The following CYS1 variants were observed in gnomAD, a reference collection of about 807,000 sequenced individuals.
The protein encoded by CYS1 is cystin 1.
A neutral mutation model predicts 9.6 loss-of-function variants in CYS1; 5 were observed. That is an observed-to-expected ratio of 0.52 (90% CI 0.27 to 1.10). The LOEUF (loss-of-function observed/expected upper bound fraction) is 1.10, where lower values mean the gene tolerates loss of function less well. Ranked by LOEUF, CYS1 falls within the 50% of genes least tolerant of loss-of-function variation. CYS1 has a pLI of 0.11. For synonymous variants in CYS1, 88 were observed against 95.7 expected, an observed-to-expected ratio of 0.92 and a Z score of 0.47; for missense variants, 221 against 207.9, an observed-to-expected ratio of 1.06 and a Z score of -0.39.
At position 10,058,500 on chromosome 2, in the gene CYS1, T is replaced by C. The variant is rs1201152555; in HGVS notation, c.*353A>G. The C allele has an allele frequency of 4.7e-6, 1 of 214,700 alleles. No individual in the cohort carries two copies. The highest frequency in any genetic ancestry group is 9.3e-6 in the Non-Finnish European group (1 of 107,582). 13.3% of individuals were successfully genotyped at this position (214,700 alleles called of 1,614,324 possible). The stretch of plus-strand genomic sequence containing the variant: ...GGATGCCAGGAGGGGCTCGCTTGTG[T>C]CACCTAGTCCTCGTGAGCCCTCCCC... On this transcript the variant is annotated 3_prime_UTR_variant, in exon 3 of 3. Coordinates refer to ENST00000381813, the MANE Select transcript of CYS1 (RefSeq NM_001037160.3).
chr2:10,062,495 G>A (rs991565991), intron 2 of CYS1, among the ~76,000 whole-genome samples: 2 of 152,020 alleles, frequency 1.3e-5, no homozygotes, highest in Non-Finnish European at 2.9e-5. Flanking sequence ...CCCCATCATG[G>A]GTGCAAGGGA....
chr2:10,064,599 C>A (rs569577707), intron 2 of CYS1, among the ~76,000 whole-genome samples: 2 of 152,314 alleles, frequency 1.3e-5, no homozygotes, highest in East Asian at 3.9e-4. Flanking sequence ...TCCTCCCTCC[C>A]CAATTCCCTC....
intron 1 of CYS1, among the ~76,000 whole-genome samples, chr2:10,072,179 T>C (rs2125290802): frequency 6.6e-6 from 1 of 151,898 alleles, no homozygotes; most frequent in East Asian, 1.9e-4. Flanking sequence ...TGCTCCTGGG[T>C]TCAAGTGATT....
chr2:10,069,941 G>A (rs1434718209), intron 1 of CYS1, among the ~76,000 whole-genome samples: 1 of 152,232 alleles, frequency 6.6e-6, no homozygotes, highest in Admixed American at 6.5e-5. Flanking sequence ...GTTCAACACA[G>A]AGGACTAAGT....
At chr2:10,066,013 A>G (rs1661690405) in intron 1 of CYS1, 57 bp from the exon 2 acceptor site, 1 of 1,594,916 alleles carries the variant, frequency 6.3e-7, no homozygotes, top group South Asian at 1.1e-5. Context: ...CAGCCTGCCT[A>G]AGGCTTTGGC....
chr2:10,067,726 T>G (rs966815308), intron 1 of CYS1, among the ~76,000 whole-genome samples: 1 of 152,218 alleles, frequency 6.6e-6, no homozygotes, highest in African/African-American at 2.4e-5. Context: ...TGAATTTATC[T>G]TGTGCTTAGC....
chr2:10,060,916 C>T (rs372237785), intron 2 of CYS1, among the ~76,000 whole-genome samples: 55 of 152,302 alleles, frequency 3.6e-4, no homozygotes, highest in African/African-American at 1.3e-3. Flanking sequence ...GAAGTCGCTG[C>T]GATGCTGTTA....
chr2:10,075,498 C>T (rs1011872619), intron 1 of CYS1, among the ~76,000 whole-genome samples: 3 of 152,190 alleles, frequency 2.0e-5, no homozygotes, highest in South Asian at 2.1e-4. Flanking sequence ...AGATAGTCAC[C>T]GTCTTCAGGA....
At position 10,057,986 on chromosome 2, in the gene CYS1, C is replaced by A. The variant is rs6717452; in HGVS notation, c.*867G>T. 89,091 of 152,266 alleles carry A rather than the reference C, an allele frequency of 0.59. 26,742 individuals are homozygous for A. The highest frequency in any genetic ancestry group is 0.84 in the East Asian group (4,364 of 5,172). The allele number at this position is 152,266 out of a possible 1,614,324, so 9.4% of individuals were successfully genotyped here. A position where few individuals can be genotyped will look rare whatever the true frequency, so the allele number is the denominator to read the frequency against. ...AAAAGCCCCGCAGGCACTGGCCAGG[C>A]TGCCTGTGAGAGGGAGAACTGGAAA... On this transcript the variant is annotated 3_prime_UTR_variant, in exon 3 of 3. Transcript: ENST00000381813.
intron 1 of CYS1, among the ~76,000 whole-genome samples, chr2:10,070,972 T>C (rs1463106902): frequency 6.6e-6 from 1 of 151,078 alleles, no homozygotes; most frequent in Admixed American, 6.6e-5. Flanking sequence ...TGTTTGTTTG[T>C]TTGTTTTGTT....
Position 10,058,497 on chromosome 2 carries a change from G to A in CYS1, c.*356C>T. 4.7e-6 allele frequency: 1 copy of A among 212,712 alleles called. No homozygotes were observed. 13.2% of individuals were successfully genotyped at this position (212,712 alleles called of 1,614,324 possible). On this transcript the variant is annotated 3_prime_UTR_variant, in exon 3 of 3. Coordinates refer to ENST00000381813, the MANE Select transcript of CYS1 (RefSeq NM_001037160.3). ...CGCGGATGCCAGGAGGGGCTCGCTT[G>A]TGTCACCTAGTCCTCGTGAGCCCTC...
chr2:10,066,016 G>A (rs1661690431), intron 1 of CYS1, 60 bp from the exon 2 acceptor site: 1 of 1,595,692 alleles, frequency 6.3e-7, no homozygotes, highest in African/African-American at 1.3e-5. Flanking sequence ...CCTGCCTAAG[G>A]CTTTGGCTTT....
intron 1 of CYS1, among the ~76,000 whole-genome samples, chr2:10,072,480 C>G (rs919107702): frequency 1.3e-5 from 2 of 152,220 alleles, no homozygotes; most frequent in Non-Finnish European, 2.9e-5. Context: ...TCCATTAACT[C>G]TTAATTTTTA....
Position 10,056,982 on chromosome 2 carries a change from A to C in CYS1, c.*1871T>G, listed in dbSNP as rs1415957876. The C allele has an allele frequency of 6.6e-6, 1 of 152,202 alleles. No individual in the cohort carries two copies. Among genetic ancestry groups the C allele is most frequent in the Non-Finnish European group, 1.5e-5 (1 of 68,026 alleles). The allele number at this position is 152,202 out of a possible 1,614,324, so 9.4% of individuals were successfully genotyped here. ...AGTGCATTTACTTTGACATTGATATAGCTTGTAACTACTTTTGGAATTTTT... is the reference window on the plus strand; with the variant it reads ...AGTGCATTTACTTTGACATTGATATCGCTTGTAACTACTTTTGGAATTTTT... On this transcript the variant is annotated 3_prime_UTR_variant, in exon 3 of 3. Coordinates refer to ENST00000381813, the MANE Select transcript of CYS1 (RefSeq NM_001037160.3).
Position 10,057,625 on chromosome 2 carries a change from C to G in CYS1, c.*1228G>C, listed in dbSNP as rs1023210113. On this transcript the variant is annotated 3_prime_UTR_variant, in exon 3 of 3. Coordinates refer to ENST00000381813, the MANE Select transcript of CYS1 (RefSeq NM_001037160.3). The stretch of plus-strand genomic sequence containing the variant: ...AAGCCGCGCTGTTTCCTCCTTCCCC[C>G]TCTATCTCCTTCTTTCCCTTCTGTC... The G allele has an allele frequency of 2.0e-5, 3 of 152,524 alleles. No homozygotes were observed. Among genetic ancestry groups the G allele is most frequent in the Non-Finnish European group, 4.4e-5 (3 of 68,286 alleles). The allele number at this position is 152,524 out of a possible 1,614,324, so 9.4% of individuals were successfully genotyped here. A position where few individuals can be genotyped will look rare whatever the true frequency, so the allele number is the denominator to read the frequency against.
At position 10,058,821 on chromosome 2, in the gene CYS1, C is replaced by G; in HGVS notation, c.*32G>C. On this transcript the variant is annotated 3_prime_UTR_variant, in exon 3 of 3. Coordinates refer to ENST00000381813, the MANE Select transcript of CYS1 (RefSeq NM_001037160.3). Reference sequence around the variant, plus strand: ...AGGGTGCCCCAGCCAGCAGGTGCCTCCGAGGCCTGGCGGGGGTGGAGCATG... The same window carrying G: ...AGGGTGCCCCAGCCAGCAGGTGCCTGCGAGGCCTGGCGGGGGTGGAGCATG... 6.5e-7 allele frequency: 1 copy of G among 1,527,458 alleles called. No individual in the cohort carries two copies. The highest frequency in any genetic ancestry group is 8.8e-7 in the Non-Finnish European group (1 of 1,132,108). The allele number at this position is 1,527,458 out of a possible 1,614,324, so 94.6% of individuals were successfully genotyped here. A position where few individuals can be genotyped will look rare whatever the true frequency, so the allele number is the denominator to read the frequency against.
intron 1 of CYS1, among the ~76,000 whole-genome samples, chr2:10,069,740 G>A (rs1275962581): frequency 6.6e-6 from 1 of 152,128 alleles, no homozygotes; most frequent in East Asian, 1.9e-4. Context: ...TGGAATGCAA[G>A]GCAGAGGAAA....
At chr2:10,071,746 C>T (rs951804192) in intron 1 of CYS1, among the ~76,000 whole-genome samples, 1 of 152,210 alleles carries the variant, frequency 6.6e-6, no homozygotes, top group Non-Finnish European at 1.5e-5. Context: ...ATGGTGGCTC[C>T]AGCCTCCTGC....
chr2:10,078,729 CTTT>C (rs1224784806), intron 1 of CYS1, among the ~76,000 whole-genome samples: 1 of 152,226 alleles, frequency 6.6e-6, no homozygotes, highest in East Asian at 1.9e-4. Context: ...CTGCAGACTT[CTTT>C]AAGGCAAGGG....
Sources: allele counts gnomAD v4.1 joint callset (sites outside exome capture counted in the v4.1 genomes callset), GRCh38; gene constraint gnomAD v4.1.1; transcripts MANE v1.5; gene names NCBI Gene and HGNC (gene_info 2026-07-23, HGNC 2026-07-21).